Variants in MYO9A observed in about 807,000 individuals in gnomAD.
MYO9A encodes unconventional myosin-IXa.
MYO9A carries 103 observed loss-of-function variants against 293.3 expected under a neutral mutation model. That is an observed-to-expected ratio of 0.35 (90% confidence interval 0.30 to 0.41). MYO9A has a LOEUF of 0.41. Ranked by LOEUF, MYO9A falls within the 10% of genes least tolerant of loss-of-function variation. The probability of loss-of-function intolerance (pLI) is 1.00; values close to 1 mark genes in which losing one functional copy is unlikely to be tolerated. For missense variants in MYO9A, 2,685 were observed against 3,033.0 expected (o/e 0.89, Z 2.69); for synonymous variants, 1,001 against 1,035.7 (o/e 0.97, Z 0.64).
chr15:71,963,360 C>T (rs765554745), intron 13 of MYO9A, among the ~76,000 whole-genome samples: 2 of 152,188 alleles, frequency 1.3e-5, no homozygotes, highest in African/African-American at 2.4e-5. Flanking sequence ...GCTGGGATTA[C>T]AGGAGTGAGC....
intron 3 of MYO9A, among the ~76,000 whole-genome samples, chr15:72,028,784 A>T (rs544791458): frequency 1.3e-5 from 2 of 152,360 alleles, no homozygotes; most frequent in Admixed American, 6.5e-5. Flanking sequence ...TCAAAGATAT[A>T]CATAGTTTCT....
intron 16 of MYO9A, among the ~76,000 whole-genome samples, chr15:71,936,160 T>C (rs1287189253): frequency 6.6e-6 from 1 of 152,062 alleles, no homozygotes; most frequent in African/African-American, 2.4e-5. Flanking sequence ...ATCCTATCAT[T>C]TGGACAACAT....
chr15:71,874,371 G>A (rs939447304), intron 32 of MYO9A, among the ~76,000 whole-genome samples: 1 of 152,180 alleles, frequency 6.6e-6, no homozygotes, highest in Non-Finnish European at 1.5e-5. Context: ...AAGACGATAG[G>A]AGGAGGAGGG....
intron 8 of MYO9A, among the ~76,000 whole-genome samples, chr15:72,006,861 G>A (rs2148857985): frequency 6.6e-6 from 1 of 152,280 alleles, no homozygotes; most frequent in East Asian, 1.9e-4. Context: ...TTGCTCATAA[G>A]CACTGTATTC....
chr15:72,115,740 G>A (rs1021858620), intron 1 of MYO9A, among the ~76,000 whole-genome samples: 1 of 152,182 alleles, frequency 6.6e-6, no homozygotes, highest in Non-Finnish European at 1.5e-5. Flanking sequence ...TAGTCACACT[G>A]TGGAAGCTCA....
chr15:71,981,767 C>T (rs142143659), intron 11 of MYO9A, among the ~76,000 whole-genome samples: 1 of 151,984 alleles, frequency 6.6e-6, no homozygotes, highest in Non-Finnish European at 1.5e-5. Context: ...TTTGTTTTCA[C>T]ACTTTTATTA....
chr15:71,874,716 G>T (rs1328112071), intron 32 of MYO9A, among the ~76,000 whole-genome samples: 2 of 152,156 alleles, frequency 1.3e-5, no homozygotes, highest in Non-Finnish European at 2.9e-5. Context: ...AAATGGTAAG[G>T]TATTCAAAAT....
intron 34 of MYO9A, chr15:71,858,757 TG>T (rs930215479): frequency 6.7e-6 from 1 of 148,334 alleles, no homozygotes; most frequent in Non-Finnish European, 1.5e-5. Context: ...CTAATGTAAA[TG>T]ATGAGTTAAT....
chr15:71,834,344 T>C (rs1343005047), intron 39 of MYO9A, among the ~76,000 whole-genome samples: 1 of 151,958 alleles, frequency 6.6e-6, no homozygotes, highest in Non-Finnish European at 1.5e-5. Flanking sequence ...AAAACAAAAC[T>C]CTAGGCCTAG....
chr15:71,909,811 T>C (rs2057777672), intron 19 of MYO9A, among the ~76,000 whole-genome samples: 2 of 152,030 alleles, frequency 1.3e-5, no homozygotes, highest in African/African-American at 4.8e-5. Context: ...TTTTAACTGT[T>C]CGTTTTTCTT....
intron 1 of MYO9A, among the ~76,000 whole-genome samples, chr15:72,068,987 C>T (rs930012971): frequency 1.3e-5 from 2 of 152,166 alleles, no homozygotes; most frequent in African/African-American, 4.8e-5. Context: ...TGCCACTTGT[C>T]TAAGGTTACA....
At chr15:71,987,248 G>A (rs534078747) in intron 11 of MYO9A, among the ~76,000 whole-genome samples, 1 of 152,250 alleles carries the variant, frequency 6.6e-6, no homozygotes, top group South Asian at 2.1e-4. Context: ...GCATTTCTCA[G>A]AACATATCCT....
chr15:71,948,320 A>G (rs991796134), intron 15 of MYO9A, among the ~76,000 whole-genome samples: 2 of 152,222 alleles, frequency 1.3e-5, no homozygotes, highest in Non-Finnish European at 2.9e-5. Context: ...TATTCCTTCC[A>G]GTAATTCATG....
intron 1 of MYO9A, among the ~76,000 whole-genome samples, chr15:72,051,842 G>A (rs1256946756): frequency 1.3e-5 from 2 of 152,166 alleles, no homozygotes; most frequent in African/African-American, 4.8e-5. Flanking sequence ...ATGAACAGCA[G>A]GAGGAGGCAG....
Position 72,025,002 on chromosome 15 carries a change from T to C in MYO9A, c.998+2729A>G, listed in dbSNP as rs556841603. Among the ~76,000 whole-genome samples, 5 of 152,130 alleles carry C rather than the reference T, an allele frequency of 3.3e-5. No homozygotes were observed. The East Asian group carries it at 9.7e-4, about 29-fold the overall frequency. ...CTTATCAATAATTACATTAAGTAGA[T>C]CAAATGCTCTAATCTAAAGGTAGAT... On this transcript the variant is annotated intron_variant, in intron 4 of 41. Coordinates refer to ENST00000356056, the MANE Select transcript of MYO9A (RefSeq NM_006901.4).
chr15:71,843,051 C>T (rs186991831), intron 39 of MYO9A, among the ~76,000 whole-genome samples: 10 of 152,110 alleles, frequency 6.6e-5, no homozygotes, highest in South Asian at 4.2e-4. Flanking sequence ...AGAGTTGGTA[C>T]GTTTTCTCTG....
intron 27 of MYO9A, among the ~76,000 whole-genome samples, chr15:71,884,345 G>A (rs1438609336): frequency 6.6e-6 from 1 of 152,086 alleles, no homozygotes; most frequent in Non-Finnish European, 1.5e-5. Flanking sequence ...TTACATTCAT[G>A]AGTTATTAGT....
chr15:71,983,470 C>CTTTTTTTTTTTTTTTTTTTTTTTTT (rs1170508506), intron 11 of MYO9A, among the ~76,000 whole-genome samples: 1 of 72,904 alleles, frequency 1.4e-5, no homozygotes, highest in Non-Finnish European at 2.5e-5. Context: ...TTTTTTATTT[C>CTTTTTTTTTTTTTTTTTTTTTTTTT]TTTTTTTTTT....
chr15:71,861,676 A>ATAT (rs1491572656), intron 33 of MYO9A, among the ~76,000 whole-genome samples: 2 of 127,570 alleles, frequency 1.6e-5, no homozygotes, highest in Non-Finnish European at 3.2e-5. Context: ...GGCACTGATG[A>ATAT]TATAAAAAAA....
Sources: gnomAD v4.1 joint callset for allele counts (sites outside exome capture counted in the v4.1 genomes callset) on GRCh38, gnomAD v4.1.1 for gene constraint, MANE v1.5 for transcripts, NCBI Gene and HGNC (gene_info 2026-07-23, HGNC 2026-07-21) for gene names.